Variants in CRB1 observed in about 807,000 individuals in gnomAD.
The protein encoded by CRB1 is protein crumbs homolog 1.
CRB1 carries 83 observed loss-of-function variants against 120.0 expected under a neutral mutation model. The observed-to-expected ratio is 0.69, with a 90% confidence interval of 0.58 to 0.83. CRB1 has a LOEUF of 0.83. Among genes scored for constraint, CRB1 ranks in the 40% least tolerant of loss-of-function variants. The pLI is 0.00. For missense variants in CRB1, 1,699 were observed against 1,687.6 expected, an observed-to-expected ratio of 1.01 and a Z score of -0.12; for synonymous variants, 625 against 612.5, an observed-to-expected ratio of 1.02 and a Z score of -0.30.
At position 197,286,614 on chromosome 1, in the gene CRB1, A is replaced by AT. The variant is rs1460700376; in HGVS notation, c.70+18136dup. On this transcript the variant is annotated intron_variant, in intron 1 of 11. Coordinates refer to ENST00000367400, the MANE Select transcript of CRB1 (RefSeq NM_201253.3). ...CCTATACACCTGTAATGAAACATGA[A>AT]TTTTGAAATACATTTGCACAGAATA... is the stretch of plus-strand genomic sequence containing the variant. Among the ~76,000 whole-genome samples the AT allele has an allele frequency of 3.3e-5, 5 of 151,970 alleles. No individual in the cohort carries two copies. The East Asian group carries it at 9.7e-4, about 30-fold the overall frequency.
intron 5 of CRB1, among the ~76,000 whole-genome samples, chr1:197,359,861 A>G (rs1280532277): frequency 6.6e-6 from 1 of 152,182 alleles, no homozygotes; most frequent in Non-Finnish European, 1.5e-5. Flanking sequence ...GATGTTGAAC[A>G]TCTTATATGT....
At chr1:197,284,724 C>T (rs149822897) in intron 1 of CRB1, among the ~76,000 whole-genome samples, 13 of 151,874 alleles carry the variant, frequency 8.6e-5, no homozygotes, top group South Asian at 6.2e-4. Flanking sequence ...GTGCCTGACA[C>T]GTAGTAAGCA....
At chr1:197,284,677 T>C (rs1459169865) in intron 1 of CRB1, among the ~76,000 whole-genome samples, 1 of 151,898 alleles carries the variant, frequency 6.6e-6, no homozygotes, top group African/African-American at 2.4e-5. Context: ...AAGAAACAGC[T>C]GTTAGTCCTT....
chr1:197,328,255 A>G (rs909976161), intron 1 of CRB1, among the ~76,000 whole-genome samples, 167 bp from the exon 2 acceptor site: 2 of 152,224 alleles, frequency 1.3e-5, no homozygotes, highest in African/African-American at 4.8e-5. Flanking sequence ...AGTACATACA[A>G]TGTGCTAGGT....
At chr1:197,377,589 T>A (rs1355444295) in intron 5 of CRB1, among the ~76,000 whole-genome samples, 2 of 152,192 alleles carry the variant, frequency 1.3e-5, no homozygotes, top group Non-Finnish European at 2.9e-5. Context: ...ATAAATTAAG[T>A]TTTCCATGCC....
chr1:197,292,611 AG>A (rs1472131992), intron 1 of CRB1, among the ~76,000 whole-genome samples: 1 of 152,142 alleles, frequency 6.6e-6, no homozygotes, highest in African/African-American at 2.4e-5. Flanking sequence ...AACAAAAAAA[AG>A]AGAATTTTAG....
At chr1:197,211,670 A>G in the CRB1 span, among the ~76,000 whole-genome samples, 1 of 152,236 alleles carries the variant, frequency 6.6e-6, no homozygotes, top group Admixed American at 6.5e-5. Flanking sequence ...GTTTTAGCTT[A>G]TAAAATTTGG....
intron 5 of CRB1, among the ~76,000 whole-genome samples, chr1:197,401,440 T>C (rs995380462): frequency 6.6e-6 from 1 of 152,170 alleles, no homozygotes; most frequent in Non-Finnish European, 1.5e-5. Context: ...TAAATAAAAT[T>C]TCATCTTTTC....
intron 9 of CRB1, among the ~76,000 whole-genome samples, chr1:197,437,395 T>C (rs1665215995): frequency 6.6e-6 from 1 of 152,120 alleles, no homozygotes; most frequent in Admixed American, 6.6e-5. Context: ...TCAAATTTAG[T>C]ATATTTCACT....
chr1:197,354,838 GCCCACCC>G (rs1660365988), intron 4 of CRB1, among the ~76,000 whole-genome samples: 5 of 14,962 alleles, frequency 3.3e-4, no homozygotes, highest in Admixed American at 1.1e-3. Flanking sequence ...CCCCCCCCCC[GCCCACCC>G]CCCCCCCCCC....
rs1666383576 is a variant in CRB1, at chr1:197,458,502, A to T, written c.4005+16210A>T. ...TGCCAATTCATCTTCCCTATAAGCC[A>T]CCTTCATCTGCAATAACTGCTCCCC... On this transcript the variant is annotated intron_variant, in intron 11 of 11. Coordinates refer to ENST00000367400, the MANE Select transcript of CRB1 (RefSeq NM_201253.3). Among the ~76,000 whole-genome samples the T allele has an allele frequency of 1.3e-5, 2 of 152,052 alleles. 1 individual carries two copies. Among genetic ancestry groups the T allele is most frequent in the South Asian group, 4.1e-4 (2 of 4,830 alleles).
chr1:197,424,406 G>A (rs920022251), intron 6 of CRB1, among the ~76,000 whole-genome samples: 2 of 152,030 alleles, frequency 1.3e-5, no homozygotes, highest in African/African-American at 2.4e-5. Context: ...AAAGTATCTC[G>A]AGCCATCTAA....
chr1:197,462,498 T>C (rs1418194475), intron 11 of CRB1, among the ~76,000 whole-genome samples: 1 of 152,100 alleles, frequency 6.6e-6, no homozygotes, highest in Non-Finnish European at 1.5e-5. Context: ...ATGGGTGACA[T>C]GTGAAAGGAC....
At chr1:197,302,537 C>T (rs1656929264) in intron 1 of CRB1, among the ~76,000 whole-genome samples, 1 of 151,958 alleles carries the variant, frequency 6.6e-6, no homozygotes, top group Non-Finnish European at 1.5e-5. Flanking sequence ...CTAAAAAAGG[C>T]TAATATACAC....
chr1:197,282,955 G>T (rs1655610340), intron 1 of CRB1, among the ~76,000 whole-genome samples: 1 of 151,682 alleles, frequency 6.6e-6, no homozygotes. Context: ...CATCACAAAA[G>T]CCCAGGAATA....
At chr1:197,218,839 A>T in the CRB1 span, among the ~76,000 whole-genome samples, 2 of 152,228 alleles carry the variant, frequency 1.3e-5, no homozygotes, top group African/African-American at 4.8e-5. Flanking sequence ...CAGCTGCAGG[A>T]AAAACAATAT....
At chr1:197,409,812 T>C (rs1663605379) in intron 5 of CRB1, among the ~76,000 whole-genome samples, 2 of 151,524 alleles carry the variant, frequency 1.3e-5, no homozygotes, top group Non-Finnish European at 1.5e-5. Flanking sequence ...TGAGACGGAG[T>C]CGTTCTGTCG....
intron 5 of CRB1, among the ~76,000 whole-genome samples, chr1:197,397,653 T>G (rs1662840482): frequency 6.6e-6 from 1 of 152,138 alleles, no homozygotes; most frequent in African/African-American, 2.4e-5. Flanking sequence ...CATTAACACA[T>G]GCAACAACAA....
At chr1:197,426,914 A>G (rs559350231) in intron 6 of CRB1, among the ~76,000 whole-genome samples, 1 of 152,330 alleles carries the variant, frequency 6.6e-6, no homozygotes, top group African/African-American at 2.4e-5. Flanking sequence ...TTAATAGCAG[A>G]CCTGGGACAA....
Sources: gnomAD v4.1 joint callset for allele counts (sites outside exome capture counted in the v4.1 genomes callset) on GRCh38, gnomAD v4.1.1 for gene constraint, MANE v1.5 for transcripts, NCBI Gene and HGNC (gene_info 2026-07-23, HGNC 2026-07-21) for gene names.